PLPPR1: variants seen among roughly 807,000 people sequenced by gnomAD.
PLPPR1 encodes phospholipid phosphatase-related protein type 1.
A neutral mutation model predicts 33.1 loss-of-function variants in PLPPR1; 10 were observed. The observed-to-expected ratio is 0.30, with a 90% CI of 0.19 to 0.51. The LOEUF (loss-of-function observed/expected upper bound fraction) is 0.51. Ranked by LOEUF, PLPPR1 falls within the 20% of genes least tolerant of loss-of-function variation. The pLI is 0.97. For missense variants in PLPPR1, 304 were observed against 408.1 expected, an observed-to-expected ratio of 0.74 and a Z score of 2.20; for synonymous variants, 151 against 151.0, an observed-to-expected ratio of 1.00 and a Z score of 0.00.
intron 2 of PLPPR1, among the ~76,000 whole-genome samples, chr9:101,238,293 C>CTATA (rs1307945596): frequency 4.6e-5 from 6 of 130,350 alleles, no homozygotes; most frequent in East Asian, 2.3e-4. Context: ...TATACATACC[C>CTATA]TATATATATA....
chr9:101,233,225 C>T (rs1169554777), intron 2 of PLPPR1, among the ~76,000 whole-genome samples: 1 of 152,026 alleles, frequency 6.6e-6, no homozygotes, highest in East Asian at 1.9e-4. Flanking sequence ...TAACAAGCTT[C>T]TCTAAACATA....
At chr9:101,135,492 C>A (rs182441839) in intron 1 of PLPPR1, among the ~76,000 whole-genome samples, 3 of 152,138 alleles carry the variant, frequency 2.0e-5, no homozygotes, top group African/African-American at 7.2e-5. Flanking sequence ...GTTTGGTTTT[C>A]CTACGGTGTA....
chr9:101,180,955 C>T (rs1826099682), intron 1 of PLPPR1, among the ~76,000 whole-genome samples: 1 of 151,380 alleles, frequency 6.6e-6, no homozygotes, highest in South Asian at 2.1e-4. Flanking sequence ...ACCTACAGAT[C>T]AGGAGAAAAT....
At chr9:101,197,447 A>C (rs1479588292) in intron 2 of PLPPR1, among the ~76,000 whole-genome samples, 1 of 152,132 alleles carries the variant, frequency 6.6e-6, no homozygotes, top group African/African-American at 2.4e-5. Flanking sequence ...TACTTTCTCT[A>C]TGCAGATTAA....
At chr9:101,126,293 A>G (rs1303962365) in intron 1 of PLPPR1, among the ~76,000 whole-genome samples, 1 of 152,238 alleles carries the variant, frequency 6.6e-6, no homozygotes, top group Admixed American at 6.5e-5. Flanking sequence ...TGGTATAATC[A>G]GAACCAATCA....
rs200930542 is a variant in PLPPR1 at position 101,308,765 on chromosome 9, TAGA to T, written c.386-443_386-441del. On this transcript the variant is annotated intron_variant, in intron 4 of 7. Coordinates refer to ENST00000374874, the MANE Select transcript of PLPPR1 (RefSeq NM_207299.2). ...AGAATCAGGGAGAAGGTATTTCGTA[TAGA>T]AGGAGAGAGAACTGATGTTGATTAA... 3.5e-3 allele frequency among the ~76,000 whole-genome samples: 538 copies of T among 152,268 alleles called. 5 individuals are homozygous for T. The highest frequency in any genetic ancestry group is 0.012 in the African/African-American group (494 of 41,546).
chr9:101,174,491 T>A (rs1293038308), intron 1 of PLPPR1, among the ~76,000 whole-genome samples: 1 of 152,126 alleles, frequency 6.6e-6, no homozygotes. Flanking sequence ...GCCCAGTAGG[T>A]CATGGAGACC....
intron 5 of PLPPR1, among the ~76,000 whole-genome samples, chr9:101,310,457 G>C (rs1392430612): frequency 2.0e-5 from 3 of 152,172 alleles, no homozygotes; most frequent in Non-Finnish European, 4.4e-5. Flanking sequence ...CTTTCAAACT[G>C]TCCATTCTTC....
intron 2 of PLPPR1, among the ~76,000 whole-genome samples, chr9:101,235,624 T>C (rs1465689512): frequency 6.6e-6 from 1 of 151,888 alleles, no homozygotes; most frequent in East Asian, 1.9e-4. Context: ...GACTTGTTGA[T>C]TATTTCTAAG....
At chr9:101,268,199 T>C (rs1018024662) in intron 2 of PLPPR1, among the ~76,000 whole-genome samples, 6 of 150,900 alleles carry the variant, frequency 4.0e-5, no homozygotes, top group African/African-American at 1.5e-4. Context: ...CATGTATATA[T>C]ATGTAACAAA....
intron 1 of PLPPR1, among the ~76,000 whole-genome samples, chr9:101,147,484 A>G (rs80329780): frequency 6.6e-6 from 1 of 152,188 alleles, no homozygotes; most frequent in African/African-American, 2.4e-5. Context: ...GGAGCAGAAT[A>G]GCATAAAGCA....
intron 1 of PLPPR1, among the ~76,000 whole-genome samples, chr9:101,162,867 C>G (rs2118674500): frequency 6.6e-6 from 1 of 152,236 alleles, no homozygotes; most frequent in Middle Eastern, 3.4e-3. Context: ...TTAGGTTTTT[C>G]TTGCTGATTG....
chr9:101,102,544 A>G (rs1322750866), intron 1 of PLPPR1, among the ~76,000 whole-genome samples: 5 of 80,194 alleles, frequency 6.2e-5, no homozygotes, highest in Non-Finnish European at 1.2e-4. Flanking sequence ...CCAGTCTATC[A>G]TTGTTGGACA....
At chr9:101,216,284 G>T (rs866822424) in intron 2 of PLPPR1, among the ~76,000 whole-genome samples, 18 of 152,254 alleles carry the variant, frequency 1.2e-4, no homozygotes, top group African/African-American at 4.3e-4. Flanking sequence ...TATTGATGCT[G>T]AACACTTTTA....
intron 1 of PLPPR1, among the ~76,000 whole-genome samples, chr9:101,031,868 G>C (rs1829949447): frequency 6.6e-6 from 1 of 152,176 alleles, no homozygotes; most frequent in South Asian, 2.1e-4. Flanking sequence ...GAGCCATTGA[G>C]GGTGAACAGC....
chr9:101,246,849 A>G (rs1827619850), intron 2 of PLPPR1, among the ~76,000 whole-genome samples: 1 of 152,044 alleles, frequency 6.6e-6, no homozygotes, highest in Non-Finnish European at 1.5e-5. Flanking sequence ...TGGTGCACAC[A>G]TCTGGGAGTT....
Position 101,108,516 on chromosome 9 carries a change from T to C in PLPPR1, c.-45-76934T>C, listed in dbSNP as rs941148409. Among the ~76,000 whole-genome samples, 4 of 152,238 alleles carry C rather than the reference T, an allele frequency of 2.6e-5. No individual in the cohort carries two copies. The East Asian group carries it at 7.7e-4, about 29-fold the overall frequency. ...TTATTGTCCACTTTGAGACTCTTTG[T>C]GAAGACAGGCACTGTTTGTAACTAA... On this transcript the variant is annotated intron_variant, in intron 1 of 7. Transcript: ENST00000374874.
chr9:101,294,537 G>A (rs1380170153), intron 4 of PLPPR1, among the ~76,000 whole-genome samples: 1 of 151,868 alleles, frequency 6.6e-6, no homozygotes, highest in Middle Eastern at 3.2e-3. Flanking sequence ...GATGAACATT[G>A]ATGCAAAAAT....
chr9:101,291,456 C>T (rs916444043), intron 4 of PLPPR1, among the ~76,000 whole-genome samples: 6 of 152,210 alleles, frequency 3.9e-5, no homozygotes, highest in Non-Finnish European at 8.8e-5. Flanking sequence ...CAGCACGCAG[C>T]TGGAGATCTG....
Sources: allele counts gnomAD v4.1 joint callset (sites outside exome capture counted in the v4.1 genomes callset), GRCh38; gene constraint gnomAD v4.1.1; transcripts MANE v1.5; gene names NCBI Gene and HGNC (gene_info 2026-07-23, HGNC 2026-07-21).